LRCH1: variants seen among roughly 807,000 people sequenced by gnomAD.
The protein encoded by LRCH1 is leucine-rich repeat and calponin homology domain-containing protein 1.
LRCH1 carries 23 observed loss-of-function variants against 94.9 expected under a neutral mutation model. The observed-to-expected ratio is 0.24, with a 90% confidence interval of 0.17 to 0.34. LRCH1 has a LOEUF of 0.34. LRCH1 is among the 10% of genes least tolerant of loss of function. LRCH1 has a pLI of 1.00. For missense variants in LRCH1, 790 were observed against 945.9 expected, an observed-to-expected ratio of 0.84 and a Z score of 2.16; for synonymous variants, 364 against 354.9, an observed-to-expected ratio of 1.03 and a Z score of -0.29.
chr13:46,691,538 A>C (rs1487487606), intron 7 of LRCH1, among the ~76,000 whole-genome samples: 1 of 152,246 alleles, frequency 6.6e-6, no homozygotes, highest in African/African-American at 2.4e-5. Flanking sequence ...GTTGGCTTAC[A>C]GTTCTGCAGG....
intron 3 of LRCH1, among the ~76,000 whole-genome samples, chr13:46,677,296 G>A (rs1415856973): frequency 2.0e-5 from 3 of 150,648 alleles, no homozygotes; most frequent in Admixed American, 1.3e-4. Flanking sequence ...ATGTGTGGTG[G>A]CACACACCTG....
chr13:46,744,797 GA>G lies in LRCH1; in HGVS notation c.*2954del. On this transcript the variant is annotated 3_prime_UTR_variant, in exon 20 of 20. Coordinates refer to ENST00000389797, the MANE Select transcript of LRCH1 (RefSeq NM_001164211.2). ...AACTGAAAGTTGTTTTGGATTAGGT[GA>G]AAAATACTTTAATATGATTTTATTT... The G allele has an allele frequency of 1.0e-6, 1 of 984,454 alleles. No homozygotes were observed. The highest frequency in any genetic ancestry group is 4.7e-5 in the South Asian group (1 of 21,278). The allele number at this position is 984,454 out of a possible 1,614,324, so 61.0% of individuals were successfully genotyped here.
chr13:46,688,808 G>C (rs1044670845), intron 6 of LRCH1, among the ~76,000 whole-genome samples: 1 of 152,146 alleles, frequency 6.6e-6, no homozygotes, highest in African/African-American at 2.4e-5. Flanking sequence ...TTATATGCTA[G>C]ATGCAGTAAA....
Position 46,573,866 on chromosome 13 carries a change from A to ATATATATATATATAT in LRCH1, c.307+20164_307+20165insATATATATATATATT. 8.4e-4 allele frequency among the ~76,000 whole-genome samples: 53 copies of ATATATATATATATAT among 63,388 alleles called. 1 individual carries two copies. The highest frequency in any genetic ancestry group is 2.5e-3 in the African/African-American group (48 of 19,332). The allele number at this position is 63,388 out of a possible 152,430, so 41.6% of individuals were successfully genotyped here. On this transcript the variant is annotated intron_variant, in intron 1 of 19. Coordinates refer to ENST00000389797, the MANE Select transcript of LRCH1 (RefSeq NM_001164211.2). ...GTCAAATATATATATATATATATAT[A>ATATATATATATATAT]TTTTTTTTTTTTTTGAGATGGAGTC...
chr13:46,724,513 T>C (rs1018262683), intron 17 of LRCH1, among the ~76,000 whole-genome samples: 27 of 152,230 alleles, frequency 1.8e-4, no homozygotes, highest in African/African-American at 5.3e-4. Flanking sequence ...CTGGGTGTCA[T>C]TGAAGCTTAA....
intron 2 of LRCH1, among the ~76,000 whole-genome samples, chr13:46,658,990 A>G (rs1049043524): frequency 1.3e-5 from 2 of 152,174 alleles, no homozygotes; most frequent in African/African-American, 2.4e-5. Context: ...TAAGTACAGC[A>G]AATTTAACAT....
At position 46,668,831 on chromosome 13, in the gene LRCH1, T is replaced by TA. The variant is rs1188375721; in HGVS notation, c.453-199_453-198insA. The stretch of plus-strand genomic sequence containing the variant: ...CCCTTATTTTTTATTTTTTATTTTT[T>TA]TTTAAAAAAAGAAAAACATATTTTG... On this transcript the variant is annotated intron_variant, in intron 2 of 19. Coordinates refer to ENST00000389797, the MANE Select transcript of LRCH1 (RefSeq NM_001164211.2). Among the ~76,000 whole-genome samples, 161 of 94,294 alleles carry TA rather than the reference T, an allele frequency of 1.7e-3. 3 individuals are homozygous for TA. In the South Asian group the frequency reaches 0.051, roughly 30 times the overall value. 61.9% of individuals were successfully genotyped at this position (94,294 alleles called of 152,430 possible). A position where few individuals can be genotyped will look rare whatever the true frequency, so the allele number is the denominator to read the frequency against.
intron 18 of LRCH1, chr13:46,750,418 A>T (rs1285207677): frequency 3.1e-6 from 2 of 654,740 alleles, no homozygotes; most frequent in Admixed American, 5.2e-5. Context: ...AGCTTGGTGT[A>T]GGTGATCAAA....
intron 2 of LRCH1, among the ~76,000 whole-genome samples, chr13:46,659,813 G>A (rs1184372320): frequency 6.6e-6 from 1 of 152,090 alleles, no homozygotes; most frequent in Admixed American, 6.5e-5. Flanking sequence ...GGCCCCTCAA[G>A]TAAATTAGTC....
intron 2 of LRCH1, among the ~76,000 whole-genome samples, chr13:46,659,134 AT>A (rs1349849237): frequency 6.6e-6 from 1 of 151,652 alleles, no homozygotes; most frequent in African/African-American, 2.4e-5. Flanking sequence ...ATTGTTCACA[AT>A]TTTTTTTCTG....
intron 3 of LRCH1, among the ~76,000 whole-genome samples, chr13:46,679,534 A>T (rs1464229810): frequency 6.6e-6 from 1 of 152,174 alleles, no homozygotes; most frequent in African/African-American, 2.4e-5. Flanking sequence ...TAATTCTGTA[A>T]TTACTTCCTT....
chr13:46,737,961 T>C (rs1873467403), intron 19 of LRCH1, among the ~76,000 whole-genome samples: 1 of 152,168 alleles, frequency 6.6e-6, no homozygotes, highest in Non-Finnish European at 1.5e-5. Context: ...ACCAGGGAAA[T>C]TTTTCTACTT....
At chr13:46,672,590 G>T (rs577991358) in intron 3 of LRCH1, among the ~76,000 whole-genome samples, 3 of 152,294 alleles carry the variant, frequency 2.0e-5, no homozygotes, top group Non-Finnish European at 4.4e-5. Flanking sequence ...TTTGTCAGCT[G>T]CAGGGCTGAC....
chr13:46,695,285 G>A (rs1197117048), intron 9 of LRCH1, among the ~76,000 whole-genome samples: 2 of 152,174 alleles, frequency 1.3e-5, no homozygotes, highest in Admixed American at 1.3e-4. Context: ...AAACTCATTA[G>A]TGTGACCATT....
intron 2 of LRCH1, among the ~76,000 whole-genome samples, chr13:46,661,987 CG>C (rs1459041971): frequency 1.3e-5 from 2 of 152,002 alleles, no homozygotes; most frequent in Admixed American, 6.5e-5. Flanking sequence ...TTGAGGCAGG[CG>C]GATCACGAGG....
chr13:46,664,675 G>C (rs796694711), intron 2 of LRCH1, among the ~76,000 whole-genome samples: 51 of 152,302 alleles, frequency 3.3e-4, no homozygotes, highest in African/African-American at 1.2e-3. Context: ...GCACACCTAT[G>C]CTCTCTATGG....
chr13:46,740,362 T>A (rs1873589970), intron 19 of LRCH1, among the ~76,000 whole-genome samples: 1 of 152,228 alleles, frequency 6.6e-6, no homozygotes, highest in Admixed American at 6.5e-5. Flanking sequence ...TCTAACTTCA[T>A]TAATAAAATA....
chr13:46,671,260 AG>A (rs2051597889), intron 3 of LRCH1, among the ~76,000 whole-genome samples: 1 of 152,196 alleles, frequency 6.6e-6, no homozygotes, highest in Non-Finnish European at 1.5e-5. Flanking sequence ...TCCAAGCCTG[AG>A]TTAGGTGCTC....
intron 2 of LRCH1, among the ~76,000 whole-genome samples, chr13:46,652,838 A>T (rs2051324805): frequency 6.6e-6 from 1 of 152,228 alleles, no homozygotes; most frequent in Non-Finnish European, 1.5e-5. Flanking sequence ...TTTTGGGTAT[A>T]GATAACATTT....
Sources: allele counts gnomAD v4.1 joint callset (sites outside exome capture counted in the v4.1 genomes callset), GRCh38; gene constraint gnomAD v4.1.1; transcripts MANE v1.5; gene names NCBI Gene and HGNC (gene_info 2026-07-23, HGNC 2026-07-21).